The following LARP1 variants were observed in gnomAD, a reference collection of about 807,000 sequenced individuals.
LARP1 encodes la-related protein 1.
A neutral mutation model predicts 122.7 loss-of-function variants in LARP1; 36 were observed. That is an observed-to-expected ratio of 0.29 (90% confidence interval 0.22 to 0.39). LARP1 has a LOEUF of 0.39. LARP1 is among the 10% of genes least tolerant of loss of function. The pLI, the probability that LARP1 is intolerant of heterozygous loss-of-function variation, is 1.00. For missense variants in LARP1, 1,040 were observed against 1,403.6 expected, an observed-to-expected ratio of 0.74 and a Z score of 4.14; for synonymous variants, 539 against 528.7, an observed-to-expected ratio of 1.02 and a Z score of -0.27.
At chr5:154,756,309 CT>C (rs1449529867) in intron 1 of LARP1, 116 bp downstream of exon 1, 3 of 948,252 alleles carry the variant, frequency 3.2e-6, no homozygotes, top group African/African-American at 1.8e-5. Context: ...TGACTCGGGA[CT>C]TTTTAAAATT....
intron 1 of LARP1, among the ~76,000 whole-genome samples, chr5:154,783,517 A>T (rs917111508): frequency 2.0e-5 from 3 of 152,208 alleles, no homozygotes; most frequent in Non-Finnish European, 2.9e-5. Flanking sequence ...GTTGTAACTT[A>T]TACCCCTTAG....
chr5:154,759,434 C>A (rs943092701), intron 1 of LARP1, among the ~76,000 whole-genome samples: 3 of 152,144 alleles, frequency 2.0e-5, no homozygotes, highest in Non-Finnish European at 4.4e-5. Context: ...ACATGAAGGG[C>A]ATGGATGGAT....
At chr5:154,708,522 T>A (rs1249845793), upstream of LARP1, among the ~76,000 whole-genome samples, 1 of 152,214 alleles carries the variant, frequency 6.6e-6, no homozygotes, top group Non-Finnish European at 1.5e-5. Context: ...TCTGTGTCCA[T>A]TTCCTCACAG....
At chr5:154,713,267 C>T (rs1755316040) in intron 1 of LARP1, 1 of 656,514 alleles carries the variant, frequency 1.5e-6, no homozygotes, top group Non-Finnish European at 2.6e-6. Flanking sequence ...CTCCAGCTCT[C>T]TGAACCTCAC....
intron 1 of LARP1, among the ~76,000 whole-genome samples, chr5:154,706,468 TA>T (rs1439252228): frequency 4.6e-5 from 7 of 151,312 alleles, no homozygotes; most frequent in Non-Finnish European, 8.8e-5. Context: ...GAAAACCAAA[TA>T]ACCACATGTT....
chr5:154,685,247 A>C (rs1195115619), intron 1 of LARP1, among the ~76,000 whole-genome samples: 1 of 148,812 alleles, frequency 6.7e-6, no homozygotes, highest in Non-Finnish European at 1.5e-5. Flanking sequence ...ACATCTCAGA[A>C]AAAAAAAAAA....
rs563358351 is a variant in LARP1 at position 154,794,425 on chromosome 5, C to G, written c.1232+163C>G. Reference sequence around the variant, plus strand: ...TTTATTAAAGAAGTGATACCACATTCTCATTGTTTATTACAGAAGTGGTAC... The same window carrying G: ...TTTATTAAAGAAGTGATACCACATTGTCATTGTTTATTACAGAAGTGGTAC... On this transcript the variant is annotated intron_variant, in intron 7 of 18. Transcript: ENST00000518297. Among the ~76,000 whole-genome samples, 115 of 152,296 alleles carry G rather than the reference C, an allele frequency of 7.6e-4. 1 individual carries two copies. In the Middle Eastern group the frequency reaches 0.014, roughly 18 times the overall value.
At chr5:154,729,259 C>T (rs902741349) in intron 1 of LARP1, 3 of 170,406 alleles carry the variant, frequency 1.8e-5, no homozygotes, top group African/African-American at 7.2e-5. Flanking sequence ...AAGAGAAGCA[C>T]CTAATACATG....
At chr5:154,704,254 T>C (rs984778944) in intron 1 of LARP1, among the ~76,000 whole-genome samples, 4 of 152,230 alleles carry the variant, frequency 2.6e-5, no homozygotes, top group Non-Finnish European at 5.9e-5. Context: ...ATGGGTATCC[T>C]AAGTCCGTTG....
At position 154,777,841 on chromosome 5, in the gene LARP1, T is replaced by TA. The variant is rs1212831707; in HGVS notation, c.437-12477dup. Among the ~76,000 whole-genome samples the TA allele has an allele frequency of 1.4e-4, 21 of 152,140 alleles. No individual in the cohort carries two copies. In the East Asian group the frequency reaches 3.3e-3, roughly 24 times the overall value. On this transcript the variant is annotated intron_variant, in intron 1 of 18. Coordinates refer to ENST00000518297, the MANE Select transcript of LARP1 (RefSeq NM_033551.3). ...CTATGTACCTACACAAATTAAAAAT[T>TA]AAAAAAATATATATAATAAAGTGGC...
chr5:154,767,466 A>G (rs906802101), intron 1 of LARP1, among the ~76,000 whole-genome samples: 9 of 152,164 alleles, frequency 5.9e-5, no homozygotes, highest in African/African-American at 2.2e-4. Context: ...AAGGTAGCCT[A>G]CGTGAACTCT....
intron 1 of LARP1, among the ~76,000 whole-genome samples, chr5:154,783,125 C>G (rs1473255172): frequency 2.0e-5 from 3 of 152,188 alleles, no homozygotes; most frequent in Non-Finnish European, 4.4e-5. Context: ...AGTCAGGGTC[C>G]CTGGACACAG....
At chr5:154,804,628 C>T in intron 14 of LARP1, 1 of 395,014 alleles carries the variant, frequency 2.5e-6, no homozygotes, top group Non-Finnish European at 4.8e-6. Context: ...AAACAGATTT[C>T]TGGCAGTCTC....
At chr5:154,754,708 G>A (rs1307849155), upstream of LARP1, among the ~76,000 whole-genome samples, 2 of 152,342 alleles carry the variant, frequency 1.3e-5, no homozygotes, top group Middle Eastern at 3.4e-3. Flanking sequence ...TCTCCGGGTA[G>A]TGTCGAGGCC....
At position 154,817,468 on chromosome 5, in the gene LARP1, T is replaced by C. The variant is rs144187786; in HGVS notation, c.*3372T>C. ...AGCTTGTATTATAACATTAATATTA[T>C]TGAGAGTATCTGCTTTCCAGGCTGA... is the stretch of plus-strand genomic sequence containing the variant. On this transcript the variant is annotated 3_prime_UTR_variant, in exon 19 of 19. Coordinates refer to ENST00000518297, the MANE Select transcript of LARP1 (RefSeq NM_033551.3). The C allele has an allele frequency of 2.6e-5, 4 of 152,802 alleles. No individual in the cohort carries two copies. Among genetic ancestry groups the C allele is most frequent in the Admixed American group, 6.5e-5 (1 of 15,308 alleles). The allele number at this position is 152,802 out of a possible 1,614,324, so 9.5% of individuals were successfully genotyped here. A position where few individuals can be genotyped will look rare whatever the true frequency, so the allele number is the denominator to read the frequency against.
Position 154,799,959 on chromosome 5 carries a change from C to T in LARP1, c.1633C>T (p.Leu545=). Residue 545 remains leucine, a synonymous_variant, in exon 10 of 19, where the codon CTG becomes TTG. Transcript: ENST00000518297. ...CAACCTAAAGACACTACCCAAGGGCCTGTCTGCCAGCCTGCCTGACCTGGA... is the reference window on the plus strand; with the variant it reads ...CAACCTAAAGACACTACCCAAGGGCTTGTCTGCCAGCCTGCCTGACCTGGA... ...VSNLKTLPKG[L]SASLPDLDSE... The T allele has an allele frequency of 1.2e-6, 2 of 1,614,202 alleles. No homozygotes were observed. Among genetic ancestry groups the T allele is most frequent in the Non-Finnish European group, 1.7e-6 (2 of 1,180,026 alleles).
intron 1 of LARP1, among the ~76,000 whole-genome samples, chr5:154,780,640 C>T (rs908239565): frequency 3.3e-5 from 5 of 152,374 alleles, no homozygotes; most frequent in African/African-American, 1.2e-4. Context: ...ATTCTCAAGT[C>T]TTTCCAGCCC....
intron 1 of LARP1, among the ~76,000 whole-genome samples, chr5:154,724,149 A>G (rs762752449): frequency 2.0e-5 from 3 of 152,254 alleles, no homozygotes; most frequent in African/African-American, 4.8e-5. Context: ...ACTGGTAGAA[A>G]GAAAGCTGGA....
intron 1 of LARP1, among the ~76,000 whole-genome samples, chr5:154,702,592 A>G (rs1263248391): frequency 6.6e-6 from 1 of 152,088 alleles, no homozygotes; most frequent in African/African-American, 2.4e-5. Flanking sequence ...TGGCATTTAA[A>G]TTACCCTTCA....
Sources: gnomAD v4.1 joint callset for allele counts (sites outside exome capture counted in the v4.1 genomes callset) on GRCh38, gnomAD v4.1.1 for gene constraint, MANE v1.5 for transcripts, NCBI Gene and HGNC (gene_info 2026-07-23, HGNC 2026-07-21) for gene names.